GABPA: variants seen among roughly 807,000 people sequenced by gnomAD.
GABPA encodes GA-binding protein alpha chain.
Under a neutral mutation model 59.4 loss-of-function variants are expected in GABPA, and 4 were observed. That is an observed-to-expected ratio of 0.07 (90% confidence interval 0.03 to 0.15). The LOEUF is 0.15. Ranked by LOEUF, GABPA falls within the 10% of genes least tolerant of loss-of-function variation. GABPA has a pLI of 1.00. For synonymous variants in GABPA, 164 were observed against 183.1 expected (o/e 0.90, Z 0.84); for missense variants, 251 against 543.8 (o/e 0.46, Z 5.36).
At chr21:25,741,278 C>T (rs143798894) in intron 1 of GABPA, among the ~76,000 whole-genome samples, 1,752 of 152,054 alleles carry the variant, frequency 0.012, 16 homozygotes, top group Non-Finnish European at 0.018. Context: ...GGACTACAGG[C>T]GCGTGCCACC....
At chr21:25,744,918 A>T (rs1030411225) in intron 2 of GABPA, among the ~76,000 whole-genome samples, 2 of 152,226 alleles carry the variant, frequency 1.3e-5, no homozygotes, top group Non-Finnish European at 2.9e-5. Flanking sequence ...AAATGCAAAC[A>T]TAATGTATGT....
chr21:25,764,369 G>C lies in GABPA; in HGVS notation c.943+19G>C. ...AGAACAGGTATTTTTGTATTTTCTT[G>C]TATTTATAAAATATATCTATCTAAT... On this transcript the variant is annotated intron_variant, in intron 8 of 9. Coordinates refer to ENST00000400075, the MANE Select transcript of GABPA (RefSeq NM_002040.4). 1 of 1,579,688 alleles carries C rather than the reference G, an allele frequency of 6.3e-7. No individual in the cohort carries two copies. Among genetic ancestry groups the C allele is most frequent in the Middle Eastern group, 2.0e-4 (1 of 5,112 alleles).
rs1391930189 is a variant in GABPA at position 25,769,399 on chromosome 21, C to G, written c.*167C>G. 1.0e-5 allele frequency: 6 copies of G among 575,002 alleles called. No homozygotes were observed. In the East Asian group the frequency reaches 1.7e-4, roughly 16 times the overall value. The allele number at this position is 575,002 out of a possible 1,614,324, so 35.6% of individuals were successfully genotyped here. ...ACTCTTGTGAATTTGGATCTTTTTA[C>G]TTTGAGCATATATTTTAGAATATGT... On this transcript the variant is annotated 3_prime_UTR_variant, in exon 10 of 10. Transcript: ENST00000400075.
chr21:25,741,729 A>C, intron 2 of GABPA, 54 bp downstream of exon 2: 1 of 1,110,600 alleles, frequency 9.0e-7, no homozygotes, highest in Non-Finnish European at 1.3e-6. Context: ...TACCTAATTA[A>C]AACCAGGAAA....
At chr21:25,766,964 C>T (rs2035905628) in intron 9 of GABPA, among the ~76,000 whole-genome samples, 1 of 151,940 alleles carries the variant, frequency 6.6e-6, no homozygotes, top group South Asian at 2.1e-4. Flanking sequence ...CTGCTACAAA[C>T]AATGACCAGT....
intron 2 of GABPA, among the ~76,000 whole-genome samples, chr21:25,742,257 T>C (rs1442811530): frequency 2.1e-3 from 1 of 478 alleles, no homozygotes; most frequent in African/African-American, 7.9e-3. Context: ...TGGGTAGAAA[T>C]AGACTTTGGG....
At chr21:25,739,951 C>T (rs1015374319) in intron 1 of GABPA, among the ~76,000 whole-genome samples, 2 of 152,110 alleles carry the variant, frequency 1.3e-5, no homozygotes, top group African/African-American at 2.4e-5. Flanking sequence ...ACACTCTGGC[C>T]GTTGTATTGA....
At chr21:25,750,117 C>T (rs2035471815) in intron 4 of GABPA, among the ~76,000 whole-genome samples, 1 of 152,206 alleles carries the variant, frequency 6.6e-6, no homozygotes, top group Non-Finnish European at 1.5e-5. Flanking sequence ...GACAGAGTAT[C>T]AGGCATTAAA....
At chr21:25,753,528 C>T (rs962431714) in intron 5 of GABPA, among the ~76,000 whole-genome samples, 4 of 152,158 alleles carry the variant, frequency 2.6e-5, no homozygotes, top group Admixed American at 2.0e-4. Context: ...TGTATAGTGT[C>T]ACTGAAATTG....
At chr21:25,745,177 G>T (rs771262795) in intron 2 of GABPA, 33 bp from the exon 3 acceptor site, 14 of 1,604,322 alleles carry the variant, frequency 8.7e-6, no homozygotes, top group Non-Finnish European at 1.2e-5. Context: ...GGTAAAAAAT[G>T]TAACTGTTAG....
intron 3 of GABPA, 80 bp downstream of exon 3, chr21:25,745,434 C>A: frequency 7.8e-7 from 1 of 1,283,468 alleles, no homozygotes; most frequent in South Asian, 1.4e-5. Context: ...TTCTTTATAG[C>A]TATAGACTTT....
intron 9 of GABPA, among the ~76,000 whole-genome samples, chr21:25,765,283 A>G (rs879354752): frequency 2.0e-5 from 3 of 152,206 alleles, no homozygotes; most frequent in Non-Finnish European, 2.9e-5. Context: ...TGGAAATTCA[A>G]CAGGTACATT....
chr21:25,747,874 A>G (rs1036171709), intron 3 of GABPA, among the ~76,000 whole-genome samples: 2 of 152,204 alleles, frequency 1.3e-5, no homozygotes, highest in African/African-American at 2.4e-5. Context: ...TGAAACTGTC[A>G]TATTTAATCT....
At chr21:25,738,168 T>C (rs1331654678) in intron 1 of GABPA, among the ~76,000 whole-genome samples, 5 of 152,216 alleles carry the variant, frequency 3.3e-5, no homozygotes, top group Admixed American at 6.5e-5. Flanking sequence ...AGGGGAATCT[T>C]ATGTCCCTGC....
intron 7 of GABPA, chr21:25,763,332 A>G (rs2035809797): frequency 1.1e-5 from 3 of 281,770 alleles, no homozygotes; most frequent in African/African-American, 2.3e-5. Context: ...GCTTTTAGCT[A>G]TGTTTTACCT....
intron 6 of GABPA, among the ~76,000 whole-genome samples, chr21:25,760,170 A>G (rs542097669): frequency 2.0e-5 from 3 of 152,328 alleles, no homozygotes; most frequent in Admixed American, 1.3e-4. Flanking sequence ...CTGCCGGGGT[A>G]GGGAAATCCC....
chr21:25,746,632 GC>G (rs1252521008), intron 3 of GABPA, among the ~76,000 whole-genome samples: 1 of 152,026 alleles, frequency 6.6e-6, no homozygotes, highest in Non-Finnish European at 1.5e-5. Flanking sequence ...AAGATAGAGT[GC>G]CTCTAAAACT....
intron 5 of GABPA, among the ~76,000 whole-genome samples, chr21:25,756,018 C>T (rs1017991185): frequency 6.6e-6 from 1 of 152,194 alleles, no homozygotes; most frequent in African/African-American, 2.4e-5. Context: ...TCATCCATGC[C>T]TGTCACTTTG....
At chr21:25,738,501 T>G (rs979689863) in intron 1 of GABPA, among the ~76,000 whole-genome samples, 4 of 152,266 alleles carry the variant, frequency 2.6e-5, no homozygotes, top group African/African-American at 4.8e-5. Context: ...TTGATTTTTA[T>G]GTAATCAGAT....
Sources: allele counts gnomAD v4.1 joint callset (sites outside exome capture counted in the v4.1 genomes callset), GRCh38; gene constraint gnomAD v4.1.1; transcripts MANE v1.5; gene names NCBI Gene and HGNC (gene_info 2026-07-23, HGNC 2026-07-21).